Variants in LAMA5 observed in about 807,000 individuals in gnomAD.
The protein encoded by LAMA5 is laminin subunit alpha 5.
A neutral mutation model predicts 433.4 loss-of-function variants in LAMA5; 260 were observed. The ratio of observed to expected loss-of-function variants is 0.60; its 90% CI spans 0.54 to 0.66. The LOEUF (loss-of-function observed/expected upper bound fraction) is 0.66. Ranked by LOEUF, LAMA5 falls within the 30% of genes least tolerant of loss-of-function variation. The pLI is 0.00. For missense variants in LAMA5, 5,378 were observed against 5,258.5 expected (o/e 1.02, Z -0.70); for synonymous variants, 2,620 against 2,226.6 (o/e 1.18, Z -4.97).
intron 18 of LAMA5, among the ~76,000 whole-genome samples, chr20:62,336,076 C>A (rs1407903657): frequency 1.3e-5 from 2 of 148,740 alleles, no homozygotes; most frequent in East Asian, 4.0e-4. Flanking sequence ...AGGCTCTAGC[C>A]CCCCAAGGAA....
chr20:62,313,492 G>T (rs1481012022), intron 63 of LAMA5, 32 bp from the exon 64 acceptor site: 1 of 1,570,362 alleles, frequency 6.4e-7, no homozygotes, highest in African/African-American at 1.4e-5. Flanking sequence ...AGGGCACCTG[G>T]CCTGAGGCGC....
At chr20:62,365,388 G>C (rs1428084550) in intron 1 of LAMA5, among the ~76,000 whole-genome samples, 1 of 150,926 alleles carries the variant, frequency 6.6e-6, no homozygotes, top group African/African-American at 2.4e-5. Flanking sequence ...GCAGAGGAGA[G>C]GGGCGTTGAC....
intron 20 of LAMA5, 80 bp downstream of exon 20, chr20:62,334,941 G>A (rs949452294): frequency 2.2e-6 from 3 of 1,345,822 alleles, no homozygotes; most frequent in African/African-American, 1.4e-5. Flanking sequence ...GGCTGCACTT[G>A]TCCCTCCGGG....
intron 48 of LAMA5, among the ~76,000 whole-genome samples, chr20:62,321,747 T>TGGAGGGGTGGGGCCAGG (rs1555874799): frequency 1.5e-5 from 1 of 66,242 alleles, no homozygotes; most frequent in Non-Finnish European, 2.6e-5. Context: ...GTGGGGCCAG[T>TGGAGGGGTGGGGCCAGG]GGAGGGGTGG....
intron 3 of LAMA5, 121 bp downstream of exon 3, chr20:62,353,013 G>A (rs957289521): frequency 1.3e-5 from 9 of 690,500 alleles, no homozygotes; most frequent in Admixed American, 3.0e-5. Flanking sequence ...AGTCATGACC[G>A]CAGCAGCCGG....
chr20:62,360,246 G>A (rs1454109734), intron 2 of LAMA5, among the ~76,000 whole-genome samples: 1 of 136,886 alleles, frequency 7.3e-6, no homozygotes. Context: ...GGTGTGGAGG[G>A]AGGAATGAGC....
In LAMA5 at chr20:62,347,013, G is replaced by A. The variant is rs1481229477; in HGVS notation, c.972C>T (p.Cys324=). ...AGGTGCCCCCGCAGGTGTTGTGCTG[G>A]CAGGTGCACTGCAGCCTGTGGGGTA... ...PTDPFRLQCT[C]QHNTCGGTCD... is the part of the protein sequence containing the mutation. The change falls in exon 7 of 80, where the codon TGC becomes TGT. Residue 324 remains cysteine, a synonymous_variant. Transcript: ENST00000252999. 7 of 1,611,372 alleles carry A rather than the reference G, an allele frequency of 4.3e-6. No individual in the cohort carries two copies. Among genetic ancestry groups the A allele is most frequent in the Non-Finnish European group, 5.1e-6 (6 of 1,179,814 alleles).
chr20:62,315,335 ACCCCGCTGCTCAGTG>A, intron 58 of LAMA5, 128 bp from the exon 59 acceptor site: 5 of 763,896 alleles, frequency 6.5e-6, no homozygotes, highest in Non-Finnish European at 1.0e-5. Context: ...AGACCCTCAC[ACCCCGCTGCTCAGTG>A]CAATCCAAAC....
rs755519993 is a variant in LAMA5, at chr20:62,328,391, G to A, written c.4502C>T (p.Pro1501Leu). Residue 1501 changes from proline (P) to leucine (L), a missense_variant, in exon 35 of 80, where the codon CCG (proline) becomes CTG (leucine). Coordinates refer to ENST00000252999, the MANE Select transcript of LAMA5 (RefSeq NM_005560.6). ...GCAGTCGGGCGGGATGGTGCGTGGC[G>A]GGCAGATGCACTGGCCCGTGAGCTC... ...CDELTGQCIC[P>L]PRTIPPDCLL... is the part of the protein sequence containing the mutation. 7 of 1,557,296 alleles carry A rather than the reference G, an allele frequency of 4.5e-6. No homozygotes were observed. The highest frequency in any genetic ancestry group is 2.4e-5 in the South Asian group (2 of 83,694).
Position 62,314,293 on chromosome 20 carries a change from G to C in LAMA5, c.8504+11C>G, listed in dbSNP as rs1248556357. 6.2e-7 allele frequency: 1 copy of C among 1,612,286 alleles called. No individual in the cohort carries two copies. The highest frequency in any genetic ancestry group is 8.5e-7 in the Non-Finnish European group (1 of 1,179,494). ...GTTGGAGGCATCCGGCCTCTCTCCTGGGCCTCCCACCTGTCCAGGCTGACA... is the reference window on the plus strand; with the variant it reads ...GTTGGAGGCATCCGGCCTCTCTCCTCGGCCTCCCACCTGTCCAGGCTGACA... On this transcript the variant is annotated intron_variant, in intron 62 of 79. Transcript: ENST00000252999.
intron 6 of LAMA5, among the ~76,000 whole-genome samples, chr20:62,348,071 C>T (rs750347835): frequency 2.0e-5 from 3 of 152,160 alleles, no homozygotes; most frequent in Non-Finnish European, 4.4e-5. Flanking sequence ...TTCAAAAATC[C>T]ACATAGTCAA....
intron 11 of LAMA5, among the ~76,000 whole-genome samples, chr20:62,340,443 C>CT (rs1338648256): frequency 6.7e-6 from 1 of 150,360 alleles, no homozygotes; most frequent in Non-Finnish European, 1.5e-5. Context: ...TCCCGAGTAG[C>CT]TGGGATTACA....
Position 62,327,374 on chromosome 20 carries a change from G to T in LAMA5, c.4971C>A (p.Ser1657Arg). 1 of 1,595,924 alleles carries T rather than the reference G, an allele frequency of 6.3e-7. No homozygotes were observed. The highest frequency in any genetic ancestry group is 1.1e-5 in the South Asian group (1 of 88,232). ...CGTGGGGCACCACCTGCCGGTCAGTGCTCAGCAGCACCCATCCCTCCATAT... is the reference window on the plus strand; with the variant it reads ...CGTGGGGCACCACCTGCCGGTCAGTTCTCAGCAGCACCCATCCCTCCATAT... ...FVDMEGWVLL[S>R]TDRQVVPHER... The change falls in exon 38 of 80, where the codon AGC (serine) becomes AGA (arginine). Residue 1657 changes from serine to arginine, a missense_variant. Physicochemically the swap from Ser to Arg is moderately radical, Grantham distance 110 (BLOSUM62 -1). Coordinates refer to ENST00000252999, the MANE Select transcript of LAMA5 (RefSeq NM_005560.6).
At chr20:62,330,368 T>TG in intron 31 of LAMA5, 120 bp downstream of exon 31, 1 of 1,347,848 alleles carries the variant, frequency 7.4e-7, no homozygotes, top group Non-Finnish European at 9.8e-7. Context: ...TGAGAACTGA[T>TG]GGCAGGACAG....
In LAMA5 at chr20:62,312,605, G is replaced by C; in HGVS notation, c.9227+27C>G. ...CCTACCGCCCCAACAGCCTGGCCTCGGAGCCCCAGCTGCGCACAGTGCTTA... is the reference window on the plus strand; with the variant it reads ...CCTACCGCCCCAACAGCCTGGCCTCCGAGCCCCAGCTGCGCACAGTGCTTA... On this transcript the variant is annotated intron_variant, in intron 67 of 79. Coordinates refer to ENST00000252999, the MANE Select transcript of LAMA5 (RefSeq NM_005560.6). The C allele has an allele frequency of 2.5e-6, 4 of 1,601,018 alleles. No individual in the cohort carries two copies. The South Asian group carries it at 4.4e-5, about 18-fold the overall frequency.
rs1986448766 is a variant in LAMA5 at position 62,312,720 on chromosome 20, T to C, written c.9139A>G (p.Thr3047Ala). 5.0e-6 allele frequency: 8 copies of C among 1,599,564 alleles called. No individual in the cohort carries two copies. Among genetic ancestry groups the C allele is most frequent in the Non-Finnish European group, 6.8e-6 (8 of 1,174,260 alleles). ...TTGTCCTGCTCCACGCTGTACACCG[T>C]GGCCCGCTCCACACGCACCAGCACA... ...KRVLVRVERA[T>A]VYSVEQDNDL... Residue 3047 changes from threonine (T) to alanine (A), a missense_variant, in exon 67 of 80, where the codon ACG (threonine) becomes GCG (alanine). By Grantham distance (58) the Thr-to-Ala change is moderately conservative. Coordinates refer to ENST00000252999, the MANE Select transcript of LAMA5 (RefSeq NM_005560.6).
rs757727996 is a variant in LAMA5, at chr20:62,325,476, A to G, written c.5369T>C (p.Leu1790Pro). Residue 1790 changes from leucine to proline, a missense_variant, in exon 41 of 80, where the codon CTG (leucine) becomes CCG (proline). Leu to Pro is a moderately conservative substitution (Grantham distance 98). Coordinates refer to ENST00000252999, the MANE Select transcript of LAMA5 (RefSeq NM_005560.6). ...GAGGGCACGGATCTGCAGCTGCTCC[A>G]GGCTGGCCAGCACCATCATGAGCTC... is the stretch of plus-strand genomic sequence containing the variant. ...REELMMVLAS[L>P]EQLQIRALFS... The G allele has an allele frequency of 4.3e-6, 7 of 1,612,982 alleles. No individual in the cohort carries two copies. The highest frequency in any genetic ancestry group is 5.9e-6 in the Non-Finnish European group (7 of 1,179,932).
rs771151437 is a variant in LAMA5, at chr20:62,324,465, G to A, written c.5619C>T (p.Cys1873=). 5.0e-6 allele frequency: 8 copies of A among 1,612,008 alleles called. No homozygotes were observed. Among genetic ancestry groups the A allele is most frequent in the Middle Eastern group, 1.6e-4 (1 of 6,084 alleles). Residue 1873 remains cysteine (C), a synonymous_variant, in exon 42 of 80, where the codon TGC becomes TGT. Coordinates refer to ENST00000252999, the MANE Select transcript of LAMA5 (RefSeq NM_005560.6). This position sits in a 1 kb window ranked among gnomAD's most constrained non-coding sequence, Gnocchi z 4.4. The part of the protein sequence containing the change: ...PCQCHGHSDR[C]LPGSGVCVDC... Reference sequence around the variant, plus strand: ...CCACACAGACGCCAGAGCCAGGGAGGCAGCGGTCTGAGTGTCCATGGCACT... The same window carrying A: ...CCACACAGACGCCAGAGCCAGGGAGACAGCGGTCTGAGTGTCCATGGCACT...
chr20:62,339,401 C>A (rs4925377), intron 11 of LAMA5, among the ~76,000 whole-genome samples: 28 of 151,990 alleles, frequency 1.8e-4, no homozygotes, highest in African/African-American at 6.5e-4. Context: ...CCACGCCCGG[C>A]TAATTTTTGT....
Sources: allele counts gnomAD v4.1 joint callset (sites outside exome capture counted in the v4.1 genomes callset), GRCh38; gene constraint gnomAD v4.1.1; non-coding constraint Gnocchi (gnomAD v3.1); transcripts MANE v1.5; gene names NCBI Gene and HGNC (gene_info 2026-07-23, HGNC 2026-07-21).